DLG5: variants seen among roughly 807,000 people sequenced by gnomAD.
The protein encoded by DLG5 is discs large MAGUK scaffold protein 5, also known as disks large homolog 5.
Under a neutral mutation model 189.8 loss-of-function variants are expected in DLG5, and 48 were observed. The ratio of observed to expected loss-of-function variants is 0.25; its 90% CI spans 0.20 to 0.32. DLG5 has a LOEUF of 0.32. DLG5 is among the 10% of genes least tolerant of loss of function. The pLI is 1.00. For missense variants in DLG5, 2,160 were observed against 2,544.7 expected (o/e 0.85, Z 3.25); for synonymous variants, 1,016 against 1,054.1 (o/e 0.96, Z 0.70).
rs1263690114 is a variant in DLG5, at chr10:77,926,442, G to C, written c.79C>G (p.Leu27Val). The C allele has an allele frequency of 3.8e-6, 6 of 1,559,108 alleles. No individual in the cohort carries two copies. The highest frequency in any genetic ancestry group is 5.2e-6 in the Non-Finnish European group (6 of 1,155,294). Reference sequence around the variant, plus strand: ...GCTCCCGCGGCCTCGAGCAGCCCGAGCACGGCTTCCACCTCCGTCATGGCC... The same window carrying C: ...GCTCCCGCGGCCTCGAGCAGCCCGACCACGGCTTCCACCTCCGTCATGGCC... ...AQAMTEVEAV[L>V]GLLEAAGALS... Residue 27 changes from leucine to valine, a missense_variant, in exon 1 of 32, where the codon CTC becomes GTC. Leu to Val is a conservative substitution (Grantham distance 32). Around this residue, in one of 5 missense-constraint regions of DLG5, gnomAD observed 664 missense variants for 838.5 expected, o/e 0.79. Transcript: ENST00000372391. The surrounding 1 kb of genome is among the most constrained non-coding windows in gnomAD (Gnocchi z 5.2).
the DLG5 span, among the ~76,000 whole-genome samples, chr10:77,934,851 T>A: frequency 1.8e-4 from 13 of 70,492 alleles, 1 homozygote; most frequent in East Asian, 2.1e-3. Context: ...TCTTTTTTTT[T>A]GTTTTTTTGT....
At chr10:77,885,859 C>A (rs1845420771) in intron 1 of DLG5, among the ~76,000 whole-genome samples, 1 of 152,190 alleles carries the variant, frequency 6.6e-6, no homozygotes, top group South Asian at 2.1e-4. Flanking sequence ...CAAGCTGGTG[C>A]CAGTGCCAGG....
intron 1 of DLG5, among the ~76,000 whole-genome samples, chr10:77,884,893 C>T (rs973146439): frequency 3.3e-5 from 5 of 152,134 alleles, no homozygotes; most frequent in South Asian, 2.1e-4. Flanking sequence ...TTGGAAATGG[C>T]GGACTTCAGA....
At position 77,805,843 on chromosome 10, in the gene DLG5, G is replaced by A. The variant is rs1841443696; in HGVS notation, c.4986C>T (p.Ser1662=). The part of the protein sequence containing the change: ...PSKYVMDQEF[S]RRLSMSEVKD... ...TGACTTCAGACATGCTGAGCCTCCT[G>A]GAGAATTCTTGGTCCATCCTGTGGC... Residue 1662 remains serine, a synonymous_variant, in exon 27 of 32, where the codon TCC becomes TCT. Transcript: ENST00000372391. 4 of 1,613,350 alleles carry A rather than the reference G, an allele frequency of 2.5e-6. No homozygotes were observed. In the African/African-American group the frequency reaches 5.3e-5, roughly 22 times the overall value.
intron 17 of DLG5, among the ~76,000 whole-genome samples, chr10:77,818,298 C>T (rs974126181): frequency 1.3e-5 from 2 of 152,152 alleles, no homozygotes; most frequent in African/African-American, 4.8e-5. Flanking sequence ...CTCGGGACAG[C>T]GTGCCTAAGA....
Position 77,805,814 on chromosome 10 carries a change from T to A in DLG5, c.5015A>T (p.Asp1672Val). 3 of 1,614,170 alleles carry A rather than the reference T, an allele frequency of 1.9e-6. No individual in the cohort carries two copies. Among genetic ancestry groups the A allele is most frequent in the Non-Finnish European group, 2.5e-6 (3 of 1,180,002 alleles). Residue 1672 changes from aspartate to valine, a missense_variant, in exon 27 of 32, where the codon GAT (aspartate) becomes GTT (valine). Coordinates refer to ENST00000372391, the MANE Select transcript of DLG5 (RefSeq NM_004747.4). ...CAGCGTCTTTGTGGCGCTATTGTCA[T>A]CTTTGACTTCAGACATGCTGAGCCT... ...SRRLSMSEVK[D>V]DNSATKTLSA... is the part of the protein sequence containing the mutation.
At chr10:77,801,232 C>T (rs1841188222) in intron 27 of DLG5, among the ~76,000 whole-genome samples, 1 of 152,020 alleles carries the variant, frequency 6.6e-6, no homozygotes, top group South Asian at 2.1e-4. Context: ...GGACAGATGA[C>T]AAGAGGGAAA....
chr10:77,795,125 A>T (rs1200126768), intron 29 of DLG5, among the ~76,000 whole-genome samples, 167 bp from the exon 30 acceptor site: 1 of 152,112 alleles, frequency 6.6e-6, no homozygotes, highest in Non-Finnish European at 1.5e-5. Context: ...ACTCCCAACA[A>T]ACCCCACTTG....
intron 22 of DLG5, 37 bp downstream of exon 22, chr10:77,811,887 C>T (rs1400864105): frequency 1.9e-6 from 3 of 1,578,100 alleles, no homozygotes; most frequent in South Asian, 2.3e-5. Context: ...CACCTCTCCA[C>T]CCCCAGCCCA....
intron 1 of DLG5, among the ~76,000 whole-genome samples, chr10:77,909,038 G>C (rs1367364027): frequency 1.3e-5 from 2 of 152,156 alleles, no homozygotes; most frequent in Non-Finnish European, 2.9e-5. Flanking sequence ...ATCCAGGTTG[G>C]AATATTGTTC....
intron 8 of DLG5, among the ~76,000 whole-genome samples, chr10:77,834,501 C>A (rs1188012077): frequency 6.6e-6 from 1 of 152,182 alleles, no homozygotes; most frequent in African/African-American, 2.4e-5. Flanking sequence ...CTGTACCCTG[C>A]AACTAGGAAG....
chr10:77,837,345 G>C (rs894601856), intron 7 of DLG5, among the ~76,000 whole-genome samples: 3 of 151,608 alleles, frequency 2.0e-5, no homozygotes, highest in African/African-American at 7.3e-5. Context: ...GAGCTGACAC[G>C]TTACCACGTG....
At chr10:77,819,080 A>G (rs533242426) in intron 17 of DLG5, among the ~76,000 whole-genome samples, 8 of 152,374 alleles carry the variant, frequency 5.3e-5, no homozygotes, top group African/African-American at 1.9e-4. Context: ...TGGCTGGGAC[A>G]TAAGCACTCA....
At chr10:77,883,214 G>A (rs1205047752) in intron 1 of DLG5, among the ~76,000 whole-genome samples, 2 of 152,178 alleles carry the variant, frequency 1.3e-5, no homozygotes, top group East Asian at 1.9e-4. Flanking sequence ...CAGTTAGGAT[G>A]TTCCCACAAG....
chr10:77,868,013 C>A, intron 2 of DLG5: 1 of 456,650 alleles, frequency 2.2e-6, no homozygotes, highest in Non-Finnish European at 4.4e-6. Context: ...CAAGGAGCAC[C>A]AAGGATTACC....
chr10:77,919,242 A>G (rs749323880), intron 1 of DLG5, among the ~76,000 whole-genome samples: 27 of 152,046 alleles, frequency 1.8e-4, no homozygotes, highest in Non-Finnish European at 3.5e-4. Context: ...AAAAAAACTG[A>G]AACAAAATAT....
chr10:77,812,091 G>C lies in DLG5; in HGVS notation c.4189-34C>G. The C allele has an allele frequency of 1.9e-6, 3 of 1,605,012 alleles. No individual in the cohort carries two copies. The East Asian group carries it at 6.7e-5, about 36-fold the overall frequency. ...ACACCAGGATGGGCTCAGTGGGGGG[G>C]TCGGGGCTGTGGACAGGGAGGAGGC... On this transcript the variant is annotated intron_variant, in intron 21 of 31. Transcript: ENST00000372391.
At position 77,824,326 on chromosome 10, in the gene DLG5, G is replaced by A. The variant is rs894206528; in HGVS notation, c.2382+58C>T. On this transcript the variant is annotated intron_variant, in intron 14 of 31. Transcript: ENST00000372391. ...CCCCAAGGAGTAGCATGGCTATGTG[G>A]AGCCGGGGCTCTGCCCATACTCCTG... 6.8e-6 allele frequency: 9 copies of A among 1,327,038 alleles called. No individual in the cohort carries two copies. In the African/African-American group the frequency reaches 1.0e-4, roughly 15 times the overall value. The allele number at this position is 1,327,038 out of a possible 1,614,324, so 82.2% of individuals were successfully genotyped here.
chr10:77,920,915 G>A (rs1038128056), intron 1 of DLG5, among the ~76,000 whole-genome samples: 2 of 152,160 alleles, frequency 1.3e-5, no homozygotes, highest in South Asian at 2.1e-4. Flanking sequence ...AAGATGATCT[G>A]AGCTAAGTTT....
Sources: gnomAD v4.1 joint callset for allele counts (sites outside exome capture counted in the v4.1 genomes callset) on GRCh38, gnomAD v4.1.1 for gene constraint, gnomAD v4.1.1 regional missense constraint, Gnocchi (gnomAD v3.1) non-coding constraint, MANE v1.5 for transcripts, NCBI Gene and HGNC (gene_info 2026-07-23, HGNC 2026-07-21) for gene names.